Variants in GLIS1 observed in about 807,000 individuals in gnomAD.
GLIS1 encodes the protein GLIS family zinc finger 1.
In GLIS1, 24 loss-of-function variants were observed where a neutral mutation model predicts 63.8. The observed-to-expected ratio is 0.38, with a 90% CI of 0.27 to 0.53. The LOEUF is 0.53. Among genes scored for constraint, GLIS1 ranks in the 20% least tolerant of loss-of-function variants. The probability of loss-of-function intolerance (pLI) is 0.85; values close to 1 mark genes in which losing one functional copy is unlikely to be tolerated. For missense variants in GLIS1, 1,036 were observed against 1,074.1 expected (o/e 0.96, Z 0.50); for synonymous variants, 450 against 482.5 (o/e 0.93, Z 0.88).
intron 5 of GLIS1, 87 bp from the exon 6 acceptor site, chr1:53,524,974 C>A: frequency 1.0e-6 from 1 of 983,350 alleles, no homozygotes; most frequent in Non-Finnish European, 1.6e-6. Context: ...GGGAGGTGAC[C>A]AGGCGAGAGG....
At chr1:53,542,220 G>A (rs1644650721) in intron 4 of GLIS1, among the ~76,000 whole-genome samples, 1 of 152,228 alleles carries the variant, frequency 6.6e-6, no homozygotes, top group South Asian at 2.1e-4. Context: ...GGGTCCGTGT[G>A]GAATAGCACT....
At chr1:53,614,474 G>A (rs762194291) in intron 2 of GLIS1, among the ~76,000 whole-genome samples, 12 of 152,116 alleles carry the variant, frequency 7.9e-5, no homozygotes, top group African/African-American at 2.4e-4. Flanking sequence ...GCAAGGTGAC[G>A]GAGGCAGGCA....
chr1:53,543,049 AT>A (rs2100375630), intron 4 of GLIS1, among the ~76,000 whole-genome samples: 1 of 152,370 alleles, frequency 6.6e-6, no homozygotes, highest in South Asian at 2.1e-4. Context: ...GCATGCAACT[AT>A]GAGAGAAGAT....
rs76835604 is a variant in GLIS1 at position 53,693,331 on chromosome 1, A to G, written c.259+44475T>C. Among the ~76,000 whole-genome samples the G allele has an allele frequency of 1.6e-3, 246 of 151,716 alleles. 2 individuals carry two copies. Among genetic ancestry groups the G allele is most frequent in the African/African-American group, 5.7e-3 (236 of 41,194 alleles). ...GGCATTCAGTCTCTGGAGGCCACCAATATGGCCAACTTAACCTCAGAAGAT... is the reference window on the plus strand; with the variant it reads ...GGCATTCAGTCTCTGGAGGCCACCAGTATGGCCAACTTAACCTCAGAAGAT... On this transcript the variant is annotated intron_variant, in intron 2 of 10. Coordinates refer to ENST00000628545, the MANE Select transcript of GLIS1 (RefSeq NM_001367484.1).
chr1:53,730,792 C>T (rs1302245238), intron 2 of GLIS1, among the ~76,000 whole-genome samples: 1 of 152,160 alleles, frequency 6.6e-6, no homozygotes. Context: ...CAGATGCAAC[C>T]AGCCGTGGGA....
At chr1:53,631,510 C>A (rs1645651939) in intron 2 of GLIS1, among the ~76,000 whole-genome samples, 1 of 152,160 alleles carries the variant, frequency 6.6e-6, no homozygotes, top group Admixed American at 6.5e-5. Context: ...TGTGTACCTG[C>A]TATGTGCCAG....
In GLIS1 at chr1:53,658,144, C is replaced by T. The variant is rs77649660; in HGVS notation, c.260-57866G>A. ...CATGCTGTTGTACATGCTGTTCCCT[C>T]TGCCTAATTCACTGCTCCCTGGCAT... is the stretch of plus-strand genomic sequence containing the variant. On this transcript the variant is annotated intron_variant, in intron 2 of 10. Coordinates refer to ENST00000628545, the MANE Select transcript of GLIS1 (RefSeq NM_001367484.1). Among the ~76,000 whole-genome samples, 313 of 152,318 alleles carry T rather than the reference C, an allele frequency of 2.1e-3. 1 individual carries two copies. Among genetic ancestry groups the T allele is most frequent in the African/African-American group, 7.2e-3 (300 of 41,554 alleles).
intron 2 of GLIS1, among the ~76,000 whole-genome samples, chr1:53,713,461 AC>A (rs1359620402): frequency 6.6e-6 from 1 of 150,602 alleles, no homozygotes; most frequent in Non-Finnish European, 1.5e-5. Flanking sequence ...ACATGGTGAG[AC>A]CCCATCTTTT....
intron 4 of GLIS1, among the ~76,000 whole-genome samples, chr1:53,542,520 C>T (rs929456592): frequency 6.6e-6 from 1 of 151,880 alleles, no homozygotes; most frequent in Non-Finnish European, 1.5e-5. Flanking sequence ...AAGTGTGGGG[C>T]GGGTGGGGAG....
intron 2 of GLIS1, among the ~76,000 whole-genome samples, chr1:53,640,267 C>T (rs1645772127): frequency 6.6e-6 from 1 of 152,168 alleles, no homozygotes. Flanking sequence ...CACAAAGCCC[C>T]TTTGTGAAGA....
At chr1:53,611,862 C>G (rs186520665) in intron 2 of GLIS1, among the ~76,000 whole-genome samples, 1 of 152,320 alleles carries the variant, frequency 6.6e-6, no homozygotes, top group African/African-American at 2.4e-5. Flanking sequence ...GAGACAGGGT[C>G]TCACTCTGTT....
intron 4 of GLIS1, among the ~76,000 whole-genome samples, chr1:53,580,705 G>GA (rs1645076359): frequency 6.6e-6 from 1 of 151,728 alleles, no homozygotes; most frequent in Non-Finnish European, 1.5e-5. Flanking sequence ...AAACATGGAC[G>GA]AAAGCCTTAG....
intron 2 of GLIS1, among the ~76,000 whole-genome samples, chr1:53,631,770 G>A (rs1400253807): frequency 5.3e-5 from 8 of 152,068 alleles, no homozygotes; most frequent in African/African-American, 1.9e-4. Flanking sequence ...AAGCAGGTGA[G>A]GGATTGAGTC....
At chr1:53,520,145 A>G (rs1264145906) in intron 7 of GLIS1, among the ~76,000 whole-genome samples, 4 of 152,214 alleles carry the variant, frequency 2.6e-5, no homozygotes, top group African/African-American at 9.6e-5. Flanking sequence ...AGCGAAGCCC[A>G]GAGGAAGACT....
intron 2 of GLIS1, among the ~76,000 whole-genome samples, chr1:53,634,919 T>C (rs1645707164): frequency 1.3e-5 from 2 of 152,104 alleles, no homozygotes; most frequent in Admixed American, 1.3e-4. Context: ...CCCCATCTCA[T>C]TCCTGCTCCC....
chr1:53,665,212 C>A (rs61588128), intron 2 of GLIS1, among the ~76,000 whole-genome samples: 8,084 of 151,990 alleles, frequency 0.053, 287 homozygotes, highest in African/African-American at 0.11. Context: ...CAGGAAAGAG[C>A]AAGATTTGGG....
chr1:53,613,717 C>A (rs1048508615), intron 2 of GLIS1, among the ~76,000 whole-genome samples: 1 of 152,018 alleles, frequency 6.6e-6, no homozygotes, highest in African/African-American at 2.4e-5. Flanking sequence ...AGAAACAGCC[C>A]ACTTATTACA....
At chr1:53,552,642 C>A (rs1644771836) in intron 4 of GLIS1, among the ~76,000 whole-genome samples, 1 of 152,210 alleles carries the variant, frequency 6.6e-6, no homozygotes, top group Non-Finnish European at 1.5e-5. Flanking sequence ...TTGCCCTCCA[C>A]CATCCATCCT....
intron 2 of GLIS1, among the ~76,000 whole-genome samples, chr1:53,659,315 G>A (rs1646001366): frequency 1.3e-5 from 2 of 152,214 alleles, no homozygotes; most frequent in African/African-American, 4.8e-5. Flanking sequence ...AGGTGGCTCG[G>A]CTCTGCAGGA....
Sources: allele counts gnomAD v4.1 joint callset (sites outside exome capture counted in the v4.1 genomes callset), GRCh38; gene constraint gnomAD v4.1.1; transcripts MANE v1.5; gene names NCBI Gene and HGNC (gene_info 2026-07-23, HGNC 2026-07-21).